The following TNN variants were observed in gnomAD, a reference collection of about 807,000 sequenced individuals.
TNN encodes tenascin N.
In TNN, 122 loss-of-function variants were observed where a neutral mutation model predicts 134.4. The ratio of observed to expected loss-of-function variants is 0.91; its 90% CI spans 0.78 to 1.06. The LOEUF (loss-of-function observed/expected upper bound fraction) is 1.06, where lower values mean the gene tolerates loss of function less well. Among genes scored for constraint, TNN ranks in the 50% least tolerant of loss-of-function variants. The pLI, the probability that TNN is intolerant of heterozygous loss-of-function variation, is 0.00. For missense variants in TNN, 1,739 were observed against 1,699.4 expected (o/e 1.02, Z -0.41); for synonymous variants, 710 against 670.3 (o/e 1.06, Z -0.91).
intron 9 of TNN, among the ~76,000 whole-genome samples, chr1:175,109,953 C>T (rs1674979495): frequency 6.6e-6 from 1 of 152,050 alleles, no homozygotes; most frequent in African/African-American, 2.4e-5. Context: ...AGTGGCTGTA[C>T]TAATTGCCAT....
chr1:175,100,439 G>A (rs1421249368), intron 9 of TNN, among the ~76,000 whole-genome samples: 2 of 152,210 alleles, frequency 1.3e-5, no homozygotes, highest in Non-Finnish European at 1.5e-5. Flanking sequence ...GACTCACAGT[G>A]TATCTTTTTC....
intron 1 of TNN, among the ~76,000 whole-genome samples, chr1:175,068,598 C>A (rs1229446793): frequency 6.6e-6 from 1 of 152,156 alleles, no homozygotes; most frequent in Non-Finnish European, 1.5e-5. Context: ...GAAAACATTT[C>A]AAGACATCTA....
chr1:175,073,715 A>G (rs932493972), intron 1 of TNN, among the ~76,000 whole-genome samples: 1 of 152,124 alleles, frequency 6.6e-6, no homozygotes, highest in Non-Finnish European at 1.5e-5. Flanking sequence ...AAAAGAAGGG[A>G]GAGGGCACTT....
intron 3 of TNN, 149 bp downstream of exon 3, chr1:175,079,856 A>G: frequency 1.7e-6 from 2 of 1,190,734 alleles, no homozygotes; most frequent in Non-Finnish European, 2.3e-6. Context: ...TGATTCTGCG[A>G]TGGGGCCTAA....
At chr1:175,116,486 T>G (rs1384175163) in intron 9 of TNN, among the ~76,000 whole-genome samples, 1 of 152,336 alleles carries the variant, frequency 6.6e-6, no homozygotes, top group Non-Finnish European at 1.5e-5. Flanking sequence ...TAGTAAGTTA[T>G]GAAATTAGTT....
At chr1:175,102,764 A>G (rs6675457) in intron 9 of TNN, among the ~76,000 whole-genome samples, 87,189 of 145,074 alleles carry the variant, frequency 0.6, 32,619 homozygotes, top group African/African-American at 0.89. Flanking sequence ...GTAGTGGTGG[A>G]CTGAAGGGCT....
intron 17 of TNN, among the ~76,000 whole-genome samples, chr1:175,142,804 G>T (rs1004774075): frequency 1.3e-5 from 2 of 152,090 alleles, no homozygotes; most frequent in African/African-American, 4.8e-5. Flanking sequence ...TTTCAGTAGA[G>T]ACGGCGTTTC....
rs1482559063 is a variant in TNN, at chr1:175,085,428, A to G, written c.1258A>G (p.Lys420Glu). ...AGGTCTGCACCCGGGGACTGAGTAT[A>G]AGATCACGGTGGTGCCCATGAGAGG... ...ITGLHPGTEY[K>E]ITVVPMRGEL... Residue 420 changes from lysine to glutamate, a missense_variant, in exon 6 of 19, where the codon AAG becomes GAG. By Grantham distance (56) the Lys-to-Glu change is moderately conservative (BLOSUM62 1). Transcript: ENST00000239462. 6.2e-7 allele frequency: 1 copy of G among 1,612,864 alleles called. No homozygotes were observed. The highest frequency in any genetic ancestry group is 8.5e-7 in the Non-Finnish European group (1 of 1,179,346).
chr1:175,094,141 T>C lies in TNN; in HGVS notation c.1476T>C (p.Asp492=). The C allele has an allele frequency of 6.2e-7, 1 of 1,614,068 alleles. No homozygotes were observed. The highest frequency in any genetic ancestry group is 1.1e-5 in the South Asian group (1 of 91,074). The change falls in exon 7 of 19, where the codon GAT becomes GAC. Residue 492 remains aspartate, a synonymous_variant. Coordinates refer to ENST00000239462, the MANE Select transcript of TNN (RefSeq NM_022093.2). ...CCAAGGAAATGGCAGTGCACAAGGA[T>C]GAGAGCAGCACTGTCCTGACGGGCC... The part of the protein sequence containing the change: ...GDTKEMAVHK[D]ESSTVLTGLK...
intron 7 of TNN, among the ~76,000 whole-genome samples, chr1:175,094,893 A>C (rs1674536515): frequency 6.6e-6 from 1 of 152,216 alleles, no homozygotes; most frequent in Non-Finnish European, 1.5e-5. Flanking sequence ...AACACCTGGC[A>C]GGAAATCAGA....
At chr1:175,146,080 C>T (rs1225222705) in intron 18 of TNN, among the ~76,000 whole-genome samples, 1 of 152,122 alleles carries the variant, frequency 6.6e-6, no homozygotes, top group African/African-American at 2.4e-5. Flanking sequence ...CTTCGGGACT[C>T]CCAATCTTTA....
At chr1:175,075,489 T>C (rs1674019183) in intron 1 of TNN, among the ~76,000 whole-genome samples, 1 of 152,038 alleles carries the variant, frequency 6.6e-6, no homozygotes, top group African/African-American at 2.4e-5. Context: ...TAGAGAAAGG[T>C]TTCACCATGT....
In TNN at chr1:175,128,666, T is replaced by C; in HGVS notation, c.3250T>C (p.Tyr1084His). ...GAACAGCAATGCCGCCAGTGGTCTGTACACCATCTACCTGCATGGCGATGC... is the reference window on the plus strand; with the variant it reads ...GAACAGCAATGCCGCCAGTGGTCTGCACACCATCTACCTGCATGGCGATGC... The part of the protein sequence containing the change: ...QQNSNAASGL[Y>H]TIYLHGDASR... The change falls in exon 15 of 19, where the codon TAC (tyrosine) becomes CAC (histidine). Residue 1084 changes from tyrosine to histidine, a missense_variant. Physicochemically the swap from Tyr to His is moderately conservative, Grantham distance 83. Coordinates refer to ENST00000239462, the MANE Select transcript of TNN (RefSeq NM_022093.2). 1 of 1,614,036 alleles carries C rather than the reference T, an allele frequency of 6.2e-7. No individual in the cohort carries two copies.
intron 9 of TNN, among the ~76,000 whole-genome samples, chr1:175,106,423 G>C (rs1216461804): frequency 6.9e-6 from 1 of 145,792 alleles, no homozygotes; most frequent in African/African-American, 2.5e-5. Context: ...ATTCCAGGTA[G>C]TCCCCACTAC....
At chr1:175,142,538 G>T (rs970306294) in intron 17 of TNN, among the ~76,000 whole-genome samples, 2 of 152,244 alleles carry the variant, frequency 1.3e-5, no homozygotes, top group African/African-American at 4.8e-5. Flanking sequence ...GGCTTGTCAA[G>T]GCATAGGTTG....
At position 175,147,248 on chromosome 1, in the gene TNN, G is replaced by GGTGGGAGCA; in HGVS notation, c.*177_*178insGTGGGAGCA. On this transcript the variant is annotated 3_prime_UTR_variant, in exon 19 of 19. Transcript: ENST00000239462. ...CACCTGCATTTTTGCCCGTCTTTAT[G>GGTGGGAGCA]AGGGTCTTGAAAATCAAAATAGTAG... 1.8e-6 allele frequency: 1 copy of GGTGGGAGCA among 553,318 alleles called. No individual in the cohort carries two copies. Among genetic ancestry groups the GGTGGGAGCA allele is most frequent in the Non-Finnish European group, 2.9e-6 (1 of 346,558 alleles). The allele number at this position is 553,318 out of a possible 1,614,324, so 34.3% of individuals were successfully genotyped here. A position where few individuals can be genotyped will look rare whatever the true frequency, so the allele number is the denominator to read the frequency against.
At chr1:175,119,001 A>G (rs1017814241) in intron 11 of TNN, among the ~76,000 whole-genome samples, 177 bp downstream of exon 11, 16 of 152,242 alleles carry the variant, frequency 1.1e-4, no homozygotes, top group Non-Finnish European at 4.4e-5. Flanking sequence ...AGAAACAAAA[A>G]ACTTTCATTC....
chr1:175,116,185 T>C (rs980019484), intron 9 of TNN, among the ~76,000 whole-genome samples: 3 of 152,240 alleles, frequency 2.0e-5, no homozygotes, highest in African/African-American at 7.2e-5. Context: ...ACAATAACTC[T>C]GTAGAATATG....
intron 1 of TNN, among the ~76,000 whole-genome samples, chr1:175,069,919 A>G (rs529677489): frequency 6.6e-6 from 1 of 152,260 alleles, no homozygotes; most frequent in African/African-American, 2.4e-5. Context: ...CACGTTAGCT[A>G]AAGAAAGAAA....
Sources: gnomAD v4.1 joint callset for allele counts (sites outside exome capture counted in the v4.1 genomes callset) on GRCh38, gnomAD v4.1.1 for gene constraint, MANE v1.5 for transcripts, NCBI Gene and HGNC (gene_info 2026-07-23, HGNC 2026-07-21) for gene names.